DIP2C: variants seen among roughly 807,000 people sequenced by gnomAD.
The protein encoded by DIP2C is DIP2 acetate--CoA ligase C (putative).
In DIP2C, 33 loss-of-function variants were observed where a neutral mutation model predicts 192.4. The ratio of observed to expected loss-of-function variants is 0.17; its 90% CI spans 0.13 to 0.23. The LOEUF (loss-of-function observed/expected upper bound fraction) is 0.23. Among genes scored for constraint, DIP2C ranks in the 10% least tolerant of loss-of-function variants. The pLI is 1.00. For missense variants in DIP2C, 1,537 were observed against 2,110.1 expected (o/e 0.73, Z 5.32); for synonymous variants, 979 against 864.1 (o/e 1.13, Z -2.33).
At chr10:590,133 G>A (rs1156919393) in intron 1 of DIP2C, among the ~76,000 whole-genome samples, 1 of 152,198 alleles carries the variant, frequency 6.6e-6, no homozygotes, top group Non-Finnish European at 1.5e-5. Flanking sequence ...ACAGTGAGAG[G>A]CACGGAACTG....
intron 17 of DIP2C, among the ~76,000 whole-genome samples, chr10:371,972 G>A (rs1203120250): frequency 6.6e-6 from 1 of 152,044 alleles, no homozygotes; most frequent in Non-Finnish European, 1.5e-5. Flanking sequence ...GGCTAGCCAA[G>A]ATTGAGAACA....
At chr10:339,745 A>C (rs1958053289) in intron 29 of DIP2C, among the ~76,000 whole-genome samples, 1 of 152,240 alleles carries the variant, frequency 6.6e-6, no homozygotes, top group African/African-American at 2.4e-5. Context: ...AAAATCATTA[A>C]ATATTTCATT....
chr10:440,157 G>C (rs75812039), intron 4 of DIP2C, among the ~76,000 whole-genome samples: 3,377 of 152,286 alleles, frequency 0.022, 68 homozygotes, highest in Non-Finnish European at 0.033. Context: ...AATTTGGGTA[G>C]TTATGTAAAA....
chr10:687,990 G>A (rs1831395658), intron 1 of DIP2C, among the ~76,000 whole-genome samples: 2 of 152,220 alleles, frequency 1.3e-5, no homozygotes, highest in Non-Finnish European at 2.9e-5. Flanking sequence ...GGAGGGTGCT[G>A]CAGGCAGGGG....
chr10:446,311 G>A (rs1352635544), intron 3 of DIP2C, among the ~76,000 whole-genome samples: 2 of 151,678 alleles, frequency 1.3e-5, no homozygotes, highest in African/African-American at 2.4e-5. Context: ...GTTGCGAAGA[G>A]TCTATCTTCC....
At chr10:353,818 A>G (rs143745398) in intron 24 of DIP2C, among the ~76,000 whole-genome samples, 6 of 152,248 alleles carry the variant, frequency 3.9e-5, no homozygotes, top group Non-Finnish European at 8.8e-5. Flanking sequence ...TGGTGTGTGG[A>G]GTGATTCATC....
intron 2 of DIP2C, among the ~76,000 whole-genome samples, chr10:479,853 T>C (rs1207177617): frequency 1.8e-4 from 27 of 150,826 alleles, no homozygotes; most frequent in African/African-American, 5.4e-4. Flanking sequence ...AGGGTTCTCA[T>C]CCGGCAGCCT....
chr10:577,742 A>C (rs1471250896), intron 1 of DIP2C, among the ~76,000 whole-genome samples: 2 of 152,220 alleles, frequency 1.3e-5, no homozygotes, highest in Non-Finnish European at 2.9e-5. Flanking sequence ...CACCTGGGAG[A>C]AATGTAAGGC....
At chr10:328,861 G>C (rs557952443) in intron 30 of DIP2C, among the ~76,000 whole-genome samples, 1 of 152,224 alleles carries the variant, frequency 6.6e-6, no homozygotes, top group South Asian at 2.1e-4. Context: ...TTGGAGCTAA[G>C]GACTACTTAA....
At chr10:452,326 C>T (rs951192027) in intron 3 of DIP2C, among the ~76,000 whole-genome samples, 2 of 152,300 alleles carry the variant, frequency 1.3e-5, no homozygotes, top group South Asian at 2.1e-4. Flanking sequence ...CGGGATAGCG[C>T]TAAGGGGTCT....
At chr10:400,537 A>G (rs979757919) in intron 9 of DIP2C, among the ~76,000 whole-genome samples, 1 of 152,050 alleles carries the variant, frequency 6.6e-6, no homozygotes, top group Non-Finnish European at 1.5e-5. Context: ...TCATCAGCAC[A>G]TGAATCCTGT....
chr10:334,625 T>A (rs144007350), intron 29 of DIP2C, among the ~76,000 whole-genome samples: 7 of 152,344 alleles, frequency 4.6e-5, no homozygotes, highest in Non-Finnish European at 8.8e-5. Context: ...TGAGTCAAGG[T>A]TTAATCTTTT....
chr10:586,512 C>G (rs1056587294), intron 1 of DIP2C, among the ~76,000 whole-genome samples: 1 of 152,136 alleles, frequency 6.6e-6, no homozygotes, highest in Non-Finnish European at 1.5e-5. Context: ...CATGGTAAAC[C>G]CTCCAGGCAA....
At chr10:414,655 T>C (rs112024972) in intron 7 of DIP2C, among the ~76,000 whole-genome samples, 2,252 of 148,780 alleles carry the variant, frequency 0.015, 74 homozygotes, top group African/African-American at 0.053. Flanking sequence ...AGCCTGTAGC[T>C]AGGACTACAG....
chr10:616,304 GA>G (rs1360276853), intron 1 of DIP2C, among the ~76,000 whole-genome samples: 1 of 152,198 alleles, frequency 6.6e-6, no homozygotes, highest in African/African-American at 2.4e-5. Flanking sequence ...AGACAAGCAT[GA>G]ATGAAAACTT....
chr10:279,730 A>G (rs1187055378), intron 36 of DIP2C, among the ~76,000 whole-genome samples: 1 of 152,180 alleles, frequency 6.6e-6, no homozygotes, highest in Non-Finnish European at 1.5e-5. Context: ...AGTCCACTCA[A>G]AGGACACTGT....
intron 14 of DIP2C, among the ~76,000 whole-genome samples, chr10:387,244 A>G (rs1240562076): frequency 6.6e-6 from 1 of 152,170 alleles, no homozygotes; most frequent in Non-Finnish European, 1.5e-5. Flanking sequence ...TGTAACCTCA[A>G]TCCACGTGTC....
chr10:487,374 C>G (rs1391075704), intron 1 of DIP2C, among the ~76,000 whole-genome samples: 1 of 152,114 alleles, frequency 6.6e-6, no homozygotes, highest in African/African-American at 2.4e-5. Context: ...AAGGTACACA[C>G]ACAAGCTGGT....
chr10:469,993 G>C (rs1970499073), intron 3 of DIP2C, among the ~76,000 whole-genome samples: 1 of 152,166 alleles, frequency 6.6e-6, no homozygotes, highest in Non-Finnish European at 1.5e-5. Context: ...AAGAAAGTGA[G>C]AGGTGGGGAG....
Sources: gnomAD v4.1 joint callset for allele counts (sites outside exome capture counted in the v4.1 genomes callset) on GRCh38, gnomAD v4.1.1 for gene constraint, MANE v1.5 for transcripts, NCBI Gene and HGNC (gene_info 2026-07-23, HGNC 2026-07-21) for gene names.